The following RARB variants were observed in gnomAD, a reference collection of about 807,000 sequenced individuals.
RARB encodes the protein HBV-activated protein.
In RARB, 17 loss-of-function variants were observed where a neutral mutation model predicts 51.9. The ratio of observed to expected loss-of-function variants is 0.33; its 90% CI spans 0.22 to 0.49. The LOEUF (loss-of-function observed/expected upper bound fraction) is 0.49. Among genes scored for constraint, RARB ranks in the 20% least tolerant of loss-of-function variants. The pLI is 0.99. For missense variants in RARB, 369 were observed against 550.8 expected (o/e 0.67, Z 3.30); for synonymous variants, 215 against 195.4 (o/e 1.10, Z -0.84).
chr3:25,021,969 C>A (rs1380112729), intron 2 of RARB, among the ~76,000 whole-genome samples: 1 of 152,128 alleles, frequency 6.6e-6, no homozygotes, highest in Admixed American at 6.6e-5. Flanking sequence ...TTATTAAAAA[C>A]TGAATTTCCC....
chr3:25,476,450 C>G (rs539137549), intron 2 of RARB, among the ~76,000 whole-genome samples: 1 of 152,198 alleles, frequency 6.6e-6, no homozygotes, highest in African/African-American at 2.4e-5. Context: ...GCTGTGCCTT[C>G]TATTTTTACA....
At chr3:25,013,522 A>G (rs780282252) in intron 2 of RARB, among the ~76,000 whole-genome samples, 105 of 152,042 alleles carry the variant, frequency 6.9e-4, no homozygotes, top group Non-Finnish European at 1.2e-3. Context: ...ACTGACCCTC[A>G]TGCTTGGTAC....
chr3:25,117,038 C>A (rs1360076426), intron 3 of RARB, among the ~76,000 whole-genome samples: 1 of 152,118 alleles, frequency 6.6e-6, no homozygotes, highest in African/African-American at 2.4e-5. Flanking sequence ...AGAAATCATC[C>A]TTTCTGATGC....
intron 3 of RARB, among the ~76,000 whole-genome samples, chr3:25,552,473 G>A (rs1481908720): frequency 6.6e-6 from 1 of 151,894 alleles, no homozygotes; most frequent in East Asian, 1.9e-4. Context: ...TAAGGGGCGG[G>A]GGGAACATTC....
chr3:25,228,222 T>G (rs867348303), intron 5 of RARB, among the ~76,000 whole-genome samples: 1 of 143,722 alleles, frequency 7.0e-6, no homozygotes, highest in African/African-American at 2.5e-5. Flanking sequence ...TGAGGGTTTT[T>G]TTTTTTTTTT....
intron 2 of RARB, among the ~76,000 whole-genome samples, chr3:25,059,552 C>T (rs534530580): frequency 2.0e-5 from 3 of 151,656 alleles, no homozygotes; most frequent in South Asian, 2.1e-4. Context: ...AATTAGAATA[C>T]GTATTTAATG....
chr3:25,179,165 T>G (rs879870320), intron 5 of RARB, among the ~76,000 whole-genome samples: 1 of 152,314 alleles, frequency 6.6e-6, no homozygotes, highest in East Asian at 1.9e-4. Flanking sequence ...TGATGGAACA[T>G]AAAATGAGTC....
intron 5 of RARB, among the ~76,000 whole-genome samples, chr3:25,215,532 AG>A: frequency 6.6e-6 from 1 of 152,306 alleles, no homozygotes; most frequent in Middle Eastern, 3.4e-3. Flanking sequence ...CTCTCCAGAC[AG>A]GGCAAGAAGG....
intron 5 of RARB, among the ~76,000 whole-genome samples, chr3:25,192,775 A>G (rs1235815313): frequency 6.6e-6 from 1 of 152,036 alleles, no homozygotes; most frequent in Admixed American, 6.6e-5. Context: ...CACCAGTGTC[A>G]CCCATCGAAA....
chr3:25,319,632 CG>C (rs1559355834), intron 5 of RARB, among the ~76,000 whole-genome samples: 1 of 141,096 alleles, frequency 7.1e-6, no homozygotes, highest in African/African-American at 2.6e-5. Flanking sequence ...TGATTGCATG[CG>C]TGCATGGCAG....
chr3:25,438,460 TGTG>T (rs1462659983), intron 1 of RARB, among the ~76,000 whole-genome samples: 8 of 152,156 alleles, frequency 5.3e-5, no homozygotes, highest in Non-Finnish European at 1.0e-4. Flanking sequence ...AAAGAACAGT[TGTG>T]GGGCTTTTAG....
At chr3:25,108,953 T>C (rs1251628612) in intron 3 of RARB, among the ~76,000 whole-genome samples, 1 of 152,308 alleles carries the variant, frequency 6.6e-6, no homozygotes, top group African/African-American at 2.4e-5. Context: ...AACAGTGGGC[T>C]GTAGAGCAAA....
chr3:25,204,207 C>T (rs1377013800), intron 5 of RARB, among the ~76,000 whole-genome samples: 3 of 152,170 alleles, frequency 2.0e-5, no homozygotes, highest in African/African-American at 4.8e-5. Context: ...CCCTTTCTTC[C>T]AGTTGATCGA....
rs189274251 is a variant in RARB at position 25,415,591 on chromosome 3, C to T, written c.179-45602C>T. On this transcript the variant is annotated intron_variant, in intron 5 of 11. Transcript: ENST00000383772. ...CCTGGTCTTAATGTAGGTTGGACTTCCCCATTCATGAGTTAAAAACACAAG... is the reference window on the plus strand; with the variant it reads ...CCTGGTCTTAATGTAGGTTGGACTTTCCCATTCATGAGTTAAAAACACAAG... Among the ~76,000 whole-genome samples the T allele has an allele frequency of 1.3e-3, 200 of 152,232 alleles. 3 individuals carry two copies. The highest frequency in any genetic ancestry group is 6.8e-4 in the Non-Finnish European group (46 of 68,026).
intron 5 of RARB, among the ~76,000 whole-genome samples, chr3:25,230,629 C>T (rs1702155640): frequency 6.6e-6 from 1 of 151,860 alleles, no homozygotes; most frequent in Non-Finnish European, 1.5e-5. Context: ...GCATTATATA[C>T]ACATCACCTG....
At chr3:25,380,391 G>T (rs899528642) in intron 5 of RARB, among the ~76,000 whole-genome samples, 2 of 152,282 alleles carry the variant, frequency 1.3e-5, no homozygotes, top group Middle Eastern at 3.4e-3. Flanking sequence ...ACCCCAACTC[G>T]ATCCCAGGGC....
At chr3:25,271,898 A>G (rs1329365941) in intron 5 of RARB, among the ~76,000 whole-genome samples, 1 of 152,194 alleles carries the variant, frequency 6.6e-6, no homozygotes, top group African/African-American at 2.4e-5. Context: ...AAATTAAAAT[A>G]CTTATCTTTG....
At chr3:24,948,516 C>A (rs1695821900) in intron 2 of RARB, among the ~76,000 whole-genome samples, 1 of 152,170 alleles carries the variant, frequency 6.6e-6, no homozygotes, top group Admixed American at 6.5e-5. Flanking sequence ...TTCATCCAGA[C>A]TGAAAGACAA....
chr3:25,003,027 A>G (rs751470539), intron 2 of RARB, among the ~76,000 whole-genome samples: 1 of 152,136 alleles, frequency 6.6e-6, no homozygotes, highest in Non-Finnish European at 1.5e-5. Context: ...AATATAATTT[A>G]ATTATTTCTT....
Sources: gnomAD v4.1 joint callset for allele counts (sites outside exome capture counted in the v4.1 genomes callset) on GRCh38, gnomAD v4.1.1 for gene constraint, MANE v1.5 for transcripts, NCBI Gene and HGNC (gene_info 2026-07-23, HGNC 2026-07-21) for gene names.